Variants in RAD52 observed in about 807,000 individuals in gnomAD.
RAD52 encodes the protein DNA repair protein RAD52 homolog.
In RAD52, 47 loss-of-function variants were observed where a neutral mutation model predicts 55.5. The observed-to-expected ratio is 0.85, with a 90% CI of 0.67 to 1.08. RAD52 has a LOEUF of 1.08. Ranked by LOEUF, RAD52 falls within the 50% of genes least tolerant of loss-of-function variation. The probability of loss-of-function intolerance (pLI) is 0.00; values close to 1 mark genes in which losing one functional copy is unlikely to be tolerated. For missense variants in RAD52, 468 were observed against 522.8 expected, an observed-to-expected ratio of 0.90 and a Z score of 1.02; for synonymous variants, 184 against 198.9, an observed-to-expected ratio of 0.92 and a Z score of 0.63.
chr12:962,155 A>C (rs564787231), intron 1 of RAD52, among the ~76,000 whole-genome samples: 1 of 152,306 alleles, frequency 6.6e-6, no homozygotes, highest in South Asian at 2.1e-4. Flanking sequence ...TGTTTCAAGT[A>C]AGATAAATGG....
At chr12:979,035 C>T (rs1958974388) in intron 1 of RAD52, among the ~76,000 whole-genome samples, 1 of 152,154 alleles carries the variant, frequency 6.6e-6, no homozygotes, top group Non-Finnish European at 1.5e-5. Context: ...CCACCCACCC[C>T]CACAGGTAAT....
intron 6 of RAD52, among the ~76,000 whole-genome samples, chr12:926,021 G>A (rs1336010128): frequency 1.3e-5 from 2 of 152,056 alleles, no homozygotes; most frequent in African/African-American, 2.4e-5. Context: ...TCAAAGACAC[G>A]GATATGGTTT....
Position 927,411 on chromosome 12 carries a change from C to A in RAD52, c.349-148G>T. On this transcript the variant is annotated intron_variant, in intron 5 of 11. Coordinates refer to ENST00000358495, the MANE Select transcript of RAD52 (RefSeq NM_134424.4). ...CACGGGCAGAAGGCTGGGTGAGAAT[C>A]CATCGCGAGTGCTGCTTCCTAGACC... 3 of 683,238 alleles carry A rather than the reference C, an allele frequency of 4.4e-6. No individual in the cohort carries two copies. The South Asian group carries it at 5.1e-5, about 12-fold the overall frequency. The allele number at this position is 683,238 out of a possible 1,614,324, so 42.3% of individuals were successfully genotyped here.
rs551223463 is a variant in RAD52, at chr12:984,582, T to A, written c.-19+5227A>T. On this transcript the variant is annotated intron_variant, in intron 1 of 11. Coordinates refer to the RAD52 transcript ENST00000430095. ...CTATACTTTTATGATTGGCTTATTT[T>A]ACTTAGTGTAAGGTCTTTAAGGTTC... 1.6e-4 allele frequency among the ~76,000 whole-genome samples: 25 copies of A among 152,296 alleles called. No individual in the cohort carries two copies. The South Asian group carries it at 5.0e-3, about 30-fold the overall frequency.
intron 7 of RAD52, among the ~76,000 whole-genome samples, chr12:923,940 T>A (rs1234341691): frequency 2.0e-5 from 3 of 151,418 alleles, no homozygotes; most frequent in African/African-American, 7.3e-5. Context: ...GCACCTGTAG[T>A]CCCAGCGACT....
rs55911642 is a variant in RAD52 at position 916,551 on chromosome 12, C to T, written c.726-68G>A. The T allele has an allele frequency of 1.7e-4, 280 of 1,601,798 alleles. 2 individuals carry two copies. The African/African-American group carries it at 3.2e-3, about 18-fold the overall frequency. On this transcript the variant is annotated intron_variant, in intron 8 of 11. Coordinates refer to ENST00000358495, the MANE Select transcript of RAD52 (RefSeq NM_134424.4). ...GCCGCGGCTGCTGGGAGGACACGCACGGCTGGCTGGCTCTGGAGGCCTGAG... is the reference window on the plus strand; with the variant it reads ...GCCGCGGCTGCTGGGAGGACACGCATGGCTGGCTGGCTCTGGAGGCCTGAG...
At chr12:942,719 G>A (rs1030582744) in intron 1 of RAD52, among the ~76,000 whole-genome samples, 3 of 151,014 alleles carry the variant, frequency 2.0e-5, no homozygotes, top group Admixed American at 1.3e-4. Flanking sequence ...CCGCACTCCA[G>A]CCTGGACGAC....
chr12:950,359 C>T (rs1958494172), upstream of RAD52, among the ~76,000 whole-genome samples: 1 of 152,100 alleles, frequency 6.6e-6, no homozygotes. Context: ...ATCACGAGGT[C>T]AGGAGTTCGA....
intron 1 of RAD52, among the ~76,000 whole-genome samples, chr12:962,430 C>T (rs1450757415): frequency 1.3e-5 from 2 of 150,968 alleles, no homozygotes; most frequent in African/African-American, 4.9e-5. Flanking sequence ...AAGCTCCGCT[C>T]CCAGGTTCAC....
chr12:937,210 T>C (rs181006811), intron 1 of RAD52, among the ~76,000 whole-genome samples: 2 of 152,270 alleles, frequency 1.3e-5, no homozygotes, highest in Admixed American at 6.5e-5. Flanking sequence ...CAACCAACTG[T>C]ACTTGCACCA....
chr12:916,181 T>C (rs1956359837), intron 9 of RAD52, 163 bp downstream of exon 9: 2 of 1,390,374 alleles, frequency 1.4e-6, no homozygotes, highest in Non-Finnish European at 1.9e-6. Flanking sequence ...GATTTAAATA[T>C]CTGAATTTCC....
chr12:987,064 G>A (rs1592504774), intron 1 of RAD52, among the ~76,000 whole-genome samples: 1 of 152,006 alleles, frequency 6.6e-6, no homozygotes, highest in African/African-American at 2.4e-5. Context: ...TCTGCCTCCC[G>A]GATTCAAGCA....
chr12:930,179 T>G, intron 3 of RAD52, 35 bp from the exon 4 acceptor site: 10 of 1,466,998 alleles, frequency 6.8e-6, no homozygotes, highest in Non-Finnish European at 9.5e-6. Context: ...AAAAGCTGTG[T>G]TAATTCCTTA....
At chr12:984,850 A>G (rs1422565619) in intron 1 of RAD52, among the ~76,000 whole-genome samples, 2 of 152,062 alleles carry the variant, frequency 1.3e-5, no homozygotes, top group Admixed American at 1.3e-4. Flanking sequence ...ATTCTTCAGT[A>G]GAGATGGAGT....
At position 913,430 on chromosome 12, in the gene RAD52, C is replaced by G. The variant is rs1415589794; in HGVS notation, c.1218G>C (p.Lys406Asn). The change falls in exon 12 of 12, where the codon AAG (lysine) becomes AAC (asparagine). Residue 406 changes from lysine (K) to asparagine (N), a missense_variant. Coordinates refer to ENST00000358495, the MANE Select transcript of RAD52 (RefSeq NM_134424.4). ...RTTGNWESHRKSQDMKKRKYD... is the reference protein window; with the variant it reads ...RTTGNWESHRNSQDMKKRKYD... ...ATTTCCTTTTCTTCATGTCCTGGCT[C>G]TTCCTATGAGATTCCCAGTTTCCTA... is the stretch of plus-strand genomic sequence containing the variant. 1.2e-6 allele frequency: 2 copies of G among 1,607,868 alleles called. No individual in the cohort carries two copies. The highest frequency in any genetic ancestry group is 2.7e-5 in the African/African-American group (2 of 74,764).
intron 1 of RAD52, among the ~76,000 whole-genome samples, chr12:941,278 T>C (rs1162800351): frequency 6.6e-6 from 1 of 152,146 alleles, no homozygotes; most frequent in Non-Finnish European, 1.5e-5. Context: ...TAACAAAATA[T>C]GTATAAGACT....
chr12:989,295 C>G (rs1462402903), intron 1 of RAD52, among the ~76,000 whole-genome samples: 1 of 152,184 alleles, frequency 6.6e-6, no homozygotes, highest in African/African-American at 2.4e-5. Flanking sequence ...TACACCCATT[C>G]TACATTATGC....
chr12:989,991 G>A (rs1013088554), exon 1 of RAD52: 1 of 152,236 alleles, frequency 6.6e-6, no homozygotes, highest in Non-Finnish European at 1.5e-5. Context: ...GTACTGAAGG[G>A]GGAGATGACA....
intron 7 of RAD52, among the ~76,000 whole-genome samples, chr12:918,205 TCTA>T (rs953110706): frequency 3.9e-5 from 6 of 152,190 alleles, no homozygotes; most frequent in South Asian, 2.1e-4. Flanking sequence ...AACCAAAATG[TCTA>T]CTAAGAAAAG....
Sources: gnomAD v4.1 joint callset for allele counts (sites outside exome capture counted in the v4.1 genomes callset) on GRCh38, gnomAD v4.1.1 for gene constraint, MANE v1.5 for transcripts, NCBI Gene and HGNC (gene_info 2026-07-23, HGNC 2026-07-21) for gene names.